Variants in ADCY1 observed in about 807,000 individuals in gnomAD.
ADCY1 encodes adenylate cyclase 1.
ADCY1 carries 28 observed loss-of-function variants against 105.4 expected under a neutral mutation model. The observed-to-expected ratio is 0.27, with a 90% confidence interval of 0.20 to 0.36. ADCY1 has a LOEUF of 0.36. Among genes scored for constraint, ADCY1 ranks in the 10% least tolerant of loss-of-function variants. The pLI, the probability that ADCY1 is intolerant of heterozygous loss-of-function variation, is 1.00. For synonymous variants in ADCY1, 655 were observed against 623.8 expected (o/e 1.05, Z -0.75); for missense variants, 977 against 1,434.2 (o/e 0.68, Z 5.15).
intron 8 of ADCY1, among the ~76,000 whole-genome samples, chr7:45,674,194 A>G (rs1784415226): frequency 6.6e-6 from 1 of 151,912 alleles, no homozygotes; most frequent in Non-Finnish European, 1.5e-5. Context: ...TTTTATGGCC[A>G]AGGTCTCTTA....
At position 45,714,928 on chromosome 7, in the gene ADCY1, T is replaced by C. The variant is rs1187134194; in HGVS notation, c.*933T>C. ...ACATTTAGCAACAACAGTGTGAGGC[T>C]CCACTTCTGTTGAATATGAGCGGCT... On this transcript the variant is annotated 3_prime_UTR_variant, in exon 20 of 20. Transcript: ENST00000297323. The C allele has an allele frequency of 6.6e-6, 1 of 152,264 alleles. No homozygotes were observed. The highest frequency in any genetic ancestry group is 2.4e-5 in the African/African-American group (1 of 41,458). The allele number at this position is 152,264 out of a possible 1,614,324, so 9.4% of individuals were successfully genotyped here.
In ADCY1 at chr7:45,688,208, C is replaced by T. The variant is rs1405062961; in HGVS notation, c.2454+1535C>T. The stretch of plus-strand genomic sequence containing the variant: ...ACTCCATGTAGGGTCTGCATGACTT[C>T]AACCAGTGATAGGTCAATCTGTCTT... On this transcript the variant is annotated intron_variant, in intron 14 of 19. Transcript: ENST00000297323. Among the ~76,000 whole-genome samples the T allele has an allele frequency of 2.6e-5, 4 of 152,240 alleles. No individual in the cohort carries two copies. In the East Asian group the frequency reaches 5.8e-4, roughly 22 times the overall value.
rs750011120 is a variant in ADCY1, at chr7:45,708,492, A to T, written c.2932+28A>T. ...ATGTGGCTCTAAACCTATCCTGTCC[A>T]TCCATGTGGAACACCTTCCTACACC... is the stretch of plus-strand genomic sequence containing the variant. On this transcript the variant is annotated intron_variant, in intron 18 of 19. Coordinates refer to ENST00000297323, the MANE Select transcript of ADCY1 (RefSeq NM_021116.4). This position sits in a 1 kb window ranked among gnomAD's most constrained non-coding sequence, Gnocchi z 4.7. 1 of 1,550,606 alleles carries T rather than the reference A, an allele frequency of 6.4e-7. No individual in the cohort carries two copies. Among genetic ancestry groups the T allele is most frequent in the South Asian group, 1.1e-5 (1 of 89,484 alleles).
At chr7:45,592,653 C>G in intron 1 of ADCY1, 106 bp from the exon 2 acceptor site, 1 of 1,496,332 alleles carries the variant, frequency 6.7e-7, no homozygotes, top group Non-Finnish European at 9.1e-7. Flanking sequence ...TTGGCCCGGG[C>G]GGCGTGGCTT....
intron 8 of ADCY1, among the ~76,000 whole-genome samples, chr7:45,662,879 C>T (rs1367367304): frequency 1.3e-5 from 2 of 152,228 alleles, no homozygotes; most frequent in African/African-American, 2.4e-5. Flanking sequence ...GAAGCCTGGG[C>T]TTTTGCAGTT....
chr7:45,590,667 G>T (rs1459234236), intron 1 of ADCY1, among the ~76,000 whole-genome samples: 1 of 152,138 alleles, frequency 6.6e-6, no homozygotes, highest in Non-Finnish European at 1.5e-5. Context: ...CTAAATGGCC[G>T]TGTTCAGGTC....
At chr7:45,586,367 A>G (rs1259666029) in intron 1 of ADCY1, among the ~76,000 whole-genome samples, 1 of 152,166 alleles carries the variant, frequency 6.6e-6, no homozygotes, top group Admixed American at 6.5e-5. Context: ...TAGAAACCTG[A>G]TGACGGGAGC....
intron 4 of ADCY1, among the ~76,000 whole-genome samples, chr7:45,641,716 G>A (rs1401803635): frequency 2.0e-5 from 3 of 150,072 alleles, no homozygotes; most frequent in Non-Finnish European, 4.4e-5. Flanking sequence ...CATGAGGTCA[G>A]GAGATCGAGA....
At chr7:45,658,534 C>T (rs1276421463) in intron 6 of ADCY1, among the ~76,000 whole-genome samples, 1 of 152,220 alleles carries the variant, frequency 6.6e-6, no homozygotes, top group Non-Finnish European at 1.5e-5. Context: ...CTGGCTGCCC[C>T]TCAGCAGGCA....
intron 4 of ADCY1, among the ~76,000 whole-genome samples, chr7:45,627,463 C>T (rs1794094384): frequency 6.6e-6 from 1 of 152,174 alleles, no homozygotes; most frequent in Admixed American, 6.5e-5. Flanking sequence ...ATACACATGT[C>T]TGAGTTGGCA....
At chr7:45,707,867 GAACT>G (rs2116271648) in intron 17 of ADCY1, among the ~76,000 whole-genome samples, 1 of 152,254 alleles carries the variant, frequency 6.6e-6, no homozygotes, top group East Asian at 1.9e-4. Context: ...CTGATTGTGA[GAACT>G]AATAAAATTC....
Position 45,678,628 on chromosome 7 carries a change from C to T in ADCY1, c.1898+365C>T, listed in dbSNP as rs556906164. Among the ~76,000 whole-genome samples, 14 of 151,828 alleles carry T rather than the reference C, an allele frequency of 9.2e-5. No individual in the cohort carries two copies. In the South Asian group the frequency reaches 2.9e-3, roughly 32 times the overall value. ...GGTGTAGTGGCTCATACCTGTAACC[C>T]CAGCACTTTGGGAGGCTGAAGCAGG... is the stretch of plus-strand genomic sequence containing the variant. On this transcript the variant is annotated intron_variant, in intron 10 of 19. Transcript: ENST00000297323.
intron 5 of ADCY1, among the ~76,000 whole-genome samples, chr7:45,656,368 C>T (rs1193938785): frequency 1.3e-5 from 2 of 152,154 alleles, no homozygotes; most frequent in African/African-American, 4.8e-5. Flanking sequence ...TATCAGTAGT[C>T]TAACTTCCAC....
intron 14 of ADCY1, among the ~76,000 whole-genome samples, chr7:45,690,737 A>C (rs1253343180): frequency 6.6e-6 from 1 of 152,250 alleles, no homozygotes; most frequent in Non-Finnish European, 1.5e-5. Context: ...AGGTAATAGG[A>C]AAAGAGCCTC....
At chr7:45,650,296 A>G (rs908900090) in intron 5 of ADCY1, among the ~76,000 whole-genome samples, 18 of 152,114 alleles carry the variant, frequency 1.2e-4, no homozygotes, top group African/African-American at 3.4e-4. Context: ...CGTATTTCTT[A>G]ATGGATCACA....
At chr7:45,610,760 A>ACATTGGAGGTGAG (rs1793525718) in intron 3 of ADCY1, among the ~76,000 whole-genome samples, 2 of 2,362 alleles carry the variant, frequency 8.5e-4, no homozygotes, top group Non-Finnish European at 8.2e-4. Flanking sequence ...ATGGAGGTGT[A>ACATTGGAGGTGAG]GAGGTGATAG....
intron 7 of ADCY1, among the ~76,000 whole-genome samples, chr7:45,661,842 T>C (rs1795115359): frequency 6.6e-6 from 1 of 152,204 alleles, no homozygotes; most frequent in Non-Finnish European, 1.5e-5. Context: ...TTGGTGCGGA[T>C]TGAGAATGGA....
chr7:45,578,581 A>G (rs1368526279), intron 1 of ADCY1, among the ~76,000 whole-genome samples: 4 of 152,188 alleles, frequency 2.6e-5, no homozygotes, highest in African/African-American at 9.7e-5. Flanking sequence ...AAAGGGAGAC[A>G]CTGGATGTCT....
At chr7:45,624,460 A>G (rs1418230817) in intron 4 of ADCY1, among the ~76,000 whole-genome samples, 2 of 152,144 alleles carry the variant, frequency 1.3e-5, no homozygotes, top group African/African-American at 4.8e-5. Context: ...TACTTTTCTA[A>G]TAAACAGTGG....
Sources: allele counts gnomAD v4.1 joint callset (sites outside exome capture counted in the v4.1 genomes callset), GRCh38; gene constraint gnomAD v4.1.1; non-coding constraint Gnocchi (gnomAD v3.1); transcripts MANE v1.5; gene names NCBI Gene and HGNC (gene_info 2026-07-23, HGNC 2026-07-21).